Variants in THSD7B observed in about 807,000 individuals in gnomAD.
The protein encoded by THSD7B is thrombospondin type-1 domain-containing protein 7B.
A neutral mutation model predicts 213.6 loss-of-function variants in THSD7B; 138 were observed. The observed-to-expected ratio is 0.65, with a 90% CI of 0.56 to 0.74. The LOEUF (loss-of-function observed/expected upper bound fraction) is 0.74. THSD7B is among the 30% of genes least tolerant of loss of function. The pLI is 0.00. For missense variants in THSD7B, 1,931 were observed against 1,991.5 expected (o/e 0.97, Z 0.58); for synonymous variants, 742 against 687.0 (o/e 1.08, Z -1.25).
intron 7 of THSD7B, among the ~76,000 whole-genome samples, chr2:137,207,040 A>T (rs1424644089): frequency 1.3e-5 from 2 of 151,970 alleles, no homozygotes; most frequent in African/African-American, 4.8e-5. Context: ...GGGAGAGAGG[A>T]TGTTGATGTT....
At chr2:136,868,083 T>C (rs1164672078) in intron 1 of THSD7B, among the ~76,000 whole-genome samples, 1 of 151,264 alleles carries the variant, frequency 6.6e-6, no homozygotes, top group Non-Finnish European at 1.5e-5. Context: ...GTTTAAAACA[T>C]CTAGAAACAC....
chr2:137,553,977 G>A (rs1054658042), intron 15 of THSD7B, among the ~76,000 whole-genome samples: 1 of 150,264 alleles, frequency 6.7e-6, no homozygotes, highest in African/African-American at 2.4e-5. Flanking sequence ...CTTGCCTGTT[G>A]GACAAAAGCT....
chr2:136,976,833 G>A (rs1325247444), intron 2 of THSD7B, among the ~76,000 whole-genome samples: 4 of 152,042 alleles, frequency 2.6e-5, no homozygotes, highest in Admixed American at 2.0e-4. Flanking sequence ...GTGTTAGCCA[G>A]GATAGTCTCA....
intron 1 of THSD7B, among the ~76,000 whole-genome samples, chr2:136,768,458 A>C (rs1188824112): frequency 6.6e-6 from 1 of 152,260 alleles, no homozygotes. Context: ...AAGATTAGGC[A>C]TTAAAGTAAT....
intron 9 of THSD7B, among the ~76,000 whole-genome samples, chr2:137,242,078 G>T (rs539672576): frequency 6.6e-6 from 1 of 151,978 alleles, no homozygotes; most frequent in Non-Finnish European, 1.5e-5. Flanking sequence ...GTAGAATATT[G>T]CTAAATTGAT....
At chr2:136,991,041 G>C (rs1685772105) in intron 2 of THSD7B, 5 of 947,542 alleles carry the variant, frequency 5.3e-6, no homozygotes, top group Non-Finnish European at 5.8e-6. Flanking sequence ...AAAGAAAGAT[G>C]GTTATGTGTT....
At position 137,145,137 on chromosome 2, in the gene THSD7B, A is replaced by G. The variant is rs530471728; in HGVS notation, c.1370-15076A>G. ...TAGGTCATGCAAGTGGCAACTCAGA[A>G]AAGGAGAAGCTTCTTTTTTCCAAAA... On this transcript the variant is annotated intron_variant, in intron 5 of 27. Coordinates refer to ENST00000409968, the MANE Select transcript of THSD7B (RefSeq NM_001316349.2). 5.9e-5 allele frequency among the ~76,000 whole-genome samples: 9 copies of G among 152,212 alleles called. No homozygotes were observed. The South Asian group carries it at 1.9e-3, about 32-fold the overall frequency.
intron 2 of THSD7B, among the ~76,000 whole-genome samples, chr2:136,884,776 T>C (rs905526186): frequency 6.6e-6 from 1 of 152,190 alleles, no homozygotes; most frequent in Non-Finnish European, 1.5e-5. Context: ...TTCTTTAGCA[T>C]TTTTATTTAA....
chr2:136,893,787 G>A (rs1270104756), intron 2 of THSD7B, among the ~76,000 whole-genome samples: 3 of 152,120 alleles, frequency 2.0e-5, no homozygotes, highest in Non-Finnish European at 2.9e-5. Flanking sequence ...ATATGCTGTA[G>A]ATATTAGGGC....
intron 12 of THSD7B, among the ~76,000 whole-genome samples, chr2:137,281,049 T>G (rs1229922327): frequency 6.6e-6 from 1 of 152,164 alleles, no homozygotes; most frequent in Non-Finnish European, 1.5e-5. Flanking sequence ...GAGTAGGTAC[T>G]GGAGATCGAA....
chr2:137,115,176 G>A lies in THSD7B; in HGVS notation c.1252G>A (p.Glu418Lys), dbSNP rs13409059. The part of the protein sequence containing the change: ...WKECQVSLLL[E>K]QQDPHWHVTG... The stretch of plus-strand genomic sequence containing the variant: ...AGAATGCCAAGTCTCTCTCCTCCTC[G>A]AGCAGCAGGATCCCCACTGGCATGT... Residue 418 changes from glutamate to lysine, a missense_variant, in exon 5 of 28, where the codon GAG becomes AAG. By Grantham distance (56) the Glu-to-Lys change is moderately conservative (BLOSUM62 1). Transcript: ENST00000409968. The A allele has an allele frequency of 3.7e-3, 5,960 of 1,613,810 alleles. 202 individuals carry two copies. In the African/African-American group the frequency reaches 0.069, roughly 19 times the overall value.
chr2:137,560,279 C>G (rs1681082705), intron 15 of THSD7B, among the ~76,000 whole-genome samples: 1 of 152,090 alleles, frequency 6.6e-6, no homozygotes, highest in Admixed American at 6.6e-5. Flanking sequence ...TATTGCAGCA[C>G]TACTCACAAT....
At chr2:137,486,687 T>C (rs1688453500) in intron 15 of THSD7B, among the ~76,000 whole-genome samples, 2 of 152,032 alleles carry the variant, frequency 1.3e-5, no homozygotes, top group African/African-American at 4.8e-5. Flanking sequence ...CAACAGAATA[T>C]ACATTTTTGT....
chr2:137,312,452 A>C (rs1253394415), intron 12 of THSD7B, among the ~76,000 whole-genome samples: 1 of 147,340 alleles, frequency 6.8e-6, no homozygotes, highest in East Asian at 2.0e-4. Flanking sequence ...CCTTTCAAAA[A>C]ACCAGCTCCT....
chr2:136,831,811 A>G (rs1267689175), intron 1 of THSD7B, among the ~76,000 whole-genome samples: 2 of 152,216 alleles, frequency 1.3e-5, no homozygotes, highest in Non-Finnish European at 2.9e-5. Context: ...GCCTAGGTAT[A>G]CAATCTTCCT....
At chr2:136,822,536 C>A (rs992396020) in intron 1 of THSD7B, among the ~76,000 whole-genome samples, 9 of 152,168 alleles carry the variant, frequency 5.9e-5, no homozygotes, top group African/African-American at 2.2e-4. Flanking sequence ...TTATTTTCCC[C>A]ATTTTACAGA....
intron 12 of THSD7B, among the ~76,000 whole-genome samples, chr2:137,329,261 G>T (rs1051768651): frequency 6.6e-6 from 1 of 152,176 alleles, no homozygotes; most frequent in Admixed American, 6.5e-5. Context: ...TGGAGTAAAG[G>T]TCACTCTTGT....
At chr2:137,420,136 A>AT (rs1215589664) in intron 14 of THSD7B, among the ~76,000 whole-genome samples, 1 of 152,004 alleles carries the variant, frequency 6.6e-6, no homozygotes, top group Non-Finnish European at 1.5e-5. Context: ...GATAAAAGCC[A>AT]TTTTTACTGG....
intron 12 of THSD7B, among the ~76,000 whole-genome samples, chr2:137,302,137 G>A (rs74542941): frequency 0.016 from 2,495 of 152,154 alleles, 61 homozygotes; most frequent in African/African-American, 0.056. Flanking sequence ...GGTTATTCTG[G>A]TACGATGAGA....
Sources: gnomAD v4.1 joint callset for allele counts (sites outside exome capture counted in the v4.1 genomes callset) on GRCh38, gnomAD v4.1.1 for gene constraint, MANE v1.5 for transcripts, NCBI Gene and HGNC (gene_info 2026-07-23, HGNC 2026-07-21) for gene names.